Variants in EPM2A observed in about 807,000 individuals in gnomAD.
EPM2A encodes EPM2A glucan phosphatase, laforin.
Under a neutral mutation model 26.5 loss-of-function variants are expected in EPM2A, and 21 were observed. That is an observed-to-expected ratio of 0.79 (90% CI 0.56 to 1.14). EPM2A has a LOEUF of 1.14. Among genes scored for constraint, EPM2A ranks in the 50% most tolerant of loss-of-function variants. The pLI, the probability that EPM2A is intolerant of heterozygous loss-of-function variation, is 0.00. For synonymous variants in EPM2A, 217 were observed against 177.6 expected, an observed-to-expected ratio of 1.22 and a Z score of -1.76; for missense variants, 458 against 440.8, an observed-to-expected ratio of 1.04 and a Z score of -0.35.
At chr6:145,420,799 C>T (rs1778771255) in intron 4 of EPM2A, among the ~76,000 whole-genome samples, 1 of 151,924 alleles carries the variant, frequency 6.6e-6, no homozygotes, top group Admixed American at 6.6e-5. Context: ...ACTGTGTCAT[C>T]CCATGGCAGA....
At chr6:145,433,543 T>G (rs1283424084) in intron 4 of EPM2A, among the ~76,000 whole-genome samples, 1 of 152,184 alleles carries the variant, frequency 6.6e-6, no homozygotes, top group Non-Finnish European at 1.5e-5. Flanking sequence ...GTTATTTTAA[T>G]GATTATCCTC....
intron 2 of EPM2A, among the ~76,000 whole-genome samples, chr6:145,512,546 T>C (rs1485796570): frequency 6.6e-6 from 1 of 151,464 alleles, no homozygotes. Flanking sequence ...ACCCTGTCTC[T>C]ACTAAAAATA....
At chr6:145,687,419 T>C (rs1780998902) in intron 1 of EPM2A, among the ~76,000 whole-genome samples, 1 of 152,036 alleles carries the variant, frequency 6.6e-6, no homozygotes, top group African/African-American at 2.4e-5. Context: ...GGTGTTTTGT[T>C]TATAGCAGCT....
rs1781271583 is a variant in EPM2A, at chr6:145,591,406, ATCTTC to A, written c.340+43834_340+43838del. 2.6e-5 allele frequency among the ~76,000 whole-genome samples: 4 copies of A among 152,158 alleles called. No individual in the cohort carries two copies. In the South Asian group the frequency reaches 8.3e-4, roughly 31 times the overall value. Reference sequence around the variant, plus strand: ...CAAAATGCCTACATGTAGACAGATCATCTTCAACTCTAGAAACCCAAAGACAAAGA... The same window carrying A: ...CAAAATGCCTACATGTAGACAGATCAAACTCTAGAAACCCAAAGACAAAGA... On this transcript the variant is annotated intron_variant, in intron 2 of 3. Coordinates refer to the EPM2A transcript ENST00000450221.
intron 2 of EPM2A, among the ~76,000 whole-genome samples, chr6:145,665,865 C>G (rs2128593161): frequency 6.7e-6 from 1 of 148,590 alleles, no homozygotes; most frequent in Non-Finnish European, 1.5e-5. Context: ...TCAATATACG[C>G]AAATCAATAA....
chr6:145,560,395 T>C (rs982069005), intron 2 of EPM2A, among the ~76,000 whole-genome samples: 4 of 152,080 alleles, frequency 2.6e-5, no homozygotes, highest in African/African-American at 9.7e-5. Context: ...AAATCAGGGG[T>C]GAACAAATTT....
At chr6:145,465,691 A>G (rs1010516588) in intron 4 of EPM2A, among the ~76,000 whole-genome samples, 9 of 152,078 alleles carry the variant, frequency 5.9e-5, no homozygotes, top group African/African-American at 2.2e-4. Context: ...TCTAACAGAC[A>G]GGACCCTCAG....
intron 1 of EPM2A, among the ~76,000 whole-genome samples, chr6:145,710,033 A>T (rs920352811): frequency 7.2e-5 from 11 of 152,164 alleles, no homozygotes; most frequent in African/African-American, 1.4e-4. Context: ...AACCTAGGCA[A>T]TACCATTCAG....
chr6:145,410,354 T>C (rs1219822610), intron 4 of EPM2A, among the ~76,000 whole-genome samples: 2 of 152,086 alleles, frequency 1.3e-5, no homozygotes, highest in Non-Finnish European at 2.9e-5. Context: ...CTGAGAAGAA[T>C]AATCCTAAAG....
At chr6:145,669,103 C>T (rs1424264158) in intron 2 of EPM2A, among the ~76,000 whole-genome samples, 1 of 151,908 alleles carries the variant, frequency 6.6e-6, no homozygotes, top group African/African-American at 2.4e-5. Context: ...TCACTATTGA[C>T]TCATTTATCA....
At chr6:145,577,592 C>A (rs866048878) in intron 2 of EPM2A, among the ~76,000 whole-genome samples, 1 of 148,408 alleles carries the variant, frequency 6.7e-6, no homozygotes, top group Non-Finnish European at 1.5e-5. Context: ...CCCCCCAATA[C>A]AATAATAGTT....
chr6:145,387,216 T>C (rs1024154480), intron 4 of EPM2A, among the ~76,000 whole-genome samples: 1 of 152,172 alleles, frequency 6.6e-6, no homozygotes, highest in Admixed American at 6.5e-5. Flanking sequence ...TTATATTATA[T>C]AGTAAATGAT....
At chr6:145,490,322 T>C (rs1249356257) in intron 4 of EPM2A, 9 of 1,480,704 alleles carry the variant, frequency 6.1e-6, no homozygotes, top group East Asian at 2.3e-5. Context: ...AAACACACTG[T>C]TGCAGACATG....
At position 145,530,544 on chromosome 6, in the gene EPM2A, C is replaced by A. The variant is rs551084503; in HGVS notation, c.341-27969G>T. 2.0e-5 allele frequency among the ~76,000 whole-genome samples: 3 copies of A among 152,214 alleles called. No homozygotes were observed. The East Asian group carries it at 5.8e-4, about 29-fold the overall frequency. On this transcript the variant is annotated intron_variant, in intron 2 of 3. Coordinates refer to the EPM2A transcript ENST00000450221. The stretch of plus-strand genomic sequence containing the variant: ...TCTACTCTGCTTTCAACTTACTACC[C>A]ACATTATTGTGCCAGTTACTCAGTT...
At chr6:145,480,291 C>A (rs1779597478) in intron 4 of EPM2A, among the ~76,000 whole-genome samples, 1 of 151,924 alleles carries the variant, frequency 6.6e-6, no homozygotes, top group Non-Finnish European at 1.5e-5. Flanking sequence ...GCACATCTTA[C>A]ATGGCCAGAG....
At chr6:145,504,303 A>G (rs928046507) in intron 2 of EPM2A, among the ~76,000 whole-genome samples, 8 of 107,874 alleles carry the variant, frequency 7.4e-5, no homozygotes, top group African/African-American at 2.6e-4. Context: ...CAGAGTGAAC[A>G]GGCAACCTAC....
chr6:145,612,525 G>A (rs1775412568), intron 2 of EPM2A, among the ~76,000 whole-genome samples: 1 of 151,842 alleles, frequency 6.6e-6, no homozygotes, highest in Non-Finnish European at 1.5e-5. Flanking sequence ...CATTCACTGG[G>A]AGAATACTGT....
intron 2 of EPM2A, among the ~76,000 whole-genome samples, chr6:145,671,693 C>T (rs1334117291): frequency 3.9e-5 from 6 of 152,138 alleles, no homozygotes; most frequent in Non-Finnish European, 4.4e-5. Flanking sequence ...AAGTAATTAA[C>T]TTCATTCATT....
intron 2 of EPM2A, among the ~76,000 whole-genome samples, chr6:145,507,015 T>C (rs927441561): frequency 1.3e-5 from 2 of 152,076 alleles, no homozygotes; most frequent in Non-Finnish European, 2.9e-5. Flanking sequence ...TATACAGACA[T>C]TTTCCACCTC....
Sources: allele counts gnomAD v4.1 joint callset (sites outside exome capture counted in the v4.1 genomes callset), GRCh38; gene constraint gnomAD v4.1.1; transcripts MANE v1.5; gene names NCBI Gene and HGNC (gene_info 2026-07-23, HGNC 2026-07-21).